FZR1: variants seen among roughly 807,000 people sequenced by gnomAD.
FZR1 encodes fizzy and cell division cycle 20 related 1, also known as fizzy-related protein homolog.
In FZR1, 11 loss-of-function variants were observed where a neutral mutation model predicts 63.6. The ratio of observed to expected loss-of-function variants is 0.17; its 90% confidence interval spans 0.11 to 0.29. FZR1 has a LOEUF of 0.29. Among genes scored for constraint, FZR1 ranks in the 10% least tolerant of loss-of-function variants. FZR1 has a pLI of 1.00. For missense variants in FZR1, 440 were observed against 687.5 expected (o/e 0.64, Z 4.03); for synonymous variants, 328 against 297.9 (o/e 1.10, Z -1.04).
At position 3,531,915 on chromosome 19, in the gene FZR1, G is replaced by T; in HGVS notation, c.828G>T (p.Ala276=). Residue 276 remains alanine, a synonymous_variant, in exon 10 of 14, where the codon GCG becomes GCT. Coordinates refer to ENST00000441788, the MANE Select transcript of FZR1 (RefSeq NM_016263.4). Reference sequence around the variant, plus strand: ...CCGCTTCCACCTGGCCTCCAGGGGCGCTGGCCTGGAATGCTGAGCAGCTGT... The same window carrying T: ...CCGCTTCCACCTGGCCTCCAGGGGCTCTGGCCTGGAATGCTGAGCAGCTGT... ...MLEGHTARVG[A]LAWNAEQLSS... is the part of the protein sequence containing the mutation. 6.3e-7 allele frequency: 1 copy of T among 1,594,166 alleles called. No individual in the cohort carries two copies. Among genetic ancestry groups the T allele is most frequent in the Non-Finnish European group, 8.5e-7 (1 of 1,173,146 alleles).
chr19:3,519,956 C>T (rs994711366), intron 1 of FZR1, among the ~76,000 whole-genome samples: 2 of 151,940 alleles, frequency 1.3e-5, no homozygotes, highest in Admixed American at 6.5e-5. Context: ...CCGGGGGGCC[C>T]CACACCCACA....
chr19:3,511,959 CT>C (rs1217776506), intron 1 of FZR1, among the ~76,000 whole-genome samples: 2 of 152,192 alleles, frequency 1.3e-5, no homozygotes, highest in African/African-American at 4.8e-5. Flanking sequence ...GGTCTCTCCG[CT>C]AGGCCCCGGC....
chr19:3,513,975 G>A (rs565293390), intron 1 of FZR1, among the ~76,000 whole-genome samples: 1 of 152,322 alleles, frequency 6.6e-6, no homozygotes, highest in East Asian at 1.9e-4. Context: ...TATGAAAACA[G>A]TGGGGACCAG....
intron 2 of FZR1, among the ~76,000 whole-genome samples, chr19:3,524,944 C>A (rs891346624): frequency 7.9e-5 from 12 of 152,162 alleles, no homozygotes; most frequent in African/African-American, 2.4e-4. Flanking sequence ...GAGTCCCATT[C>A]CCAGGTTGCG....
chr19:3,522,702 GCAGAAAGCCC>G (rs1275435585), intron 1 of FZR1, among the ~76,000 whole-genome samples: 2 of 152,172 alleles, frequency 1.3e-5, no homozygotes, highest in African/African-American at 4.8e-5. Context: ...GGCCTCCAGG[GCAGAAAGCCC>G]CTTTCCCGGG....
At position 3,529,689 on chromosome 19, in the gene FZR1, T is replaced by TGGTTGAGC. The variant is rs1568237946; in HGVS notation, c.655-1101_655-1100insTTGAGCGG. Among the ~76,000 whole-genome samples, 7 of 71,398 alleles carry TGGTTGAGC rather than the reference T, an allele frequency of 9.8e-5. 1 individual carries two copies. The highest frequency in any genetic ancestry group is 4.3e-4 in the African/African-American group (7 of 16,322). The allele number at this position is 71,398 out of a possible 152,430, so 46.8% of individuals were successfully genotyped here. ...GAGTGGATGAGAGTGGTTGAGGGAG[T>TGGTTGAGC]GGATGGTTGAGCGGATGGGAGAGCG... On this transcript the variant is annotated intron_variant, in intron 7 of 13. Coordinates refer to ENST00000441788, the MANE Select transcript of FZR1 (RefSeq NM_016263.4).
At position 3,514,142 on chromosome 19, in the gene FZR1, C is replaced by T. The variant is rs987396516; in HGVS notation, c.-35+7668C>T. On this transcript the variant is annotated intron_variant, in intron 1 of 13. Coordinates refer to ENST00000441788, the MANE Select transcript of FZR1 (RefSeq NM_016263.4). This position sits in a 1 kb window ranked among gnomAD's most constrained non-coding sequence, Gnocchi z 4.2. ...GCCCTGTCTACACGGCAGACAGCCC[C>T]TCACGCTTTGCGTCCCCACTCAGGG... is the stretch of plus-strand genomic sequence containing the variant. Among the ~76,000 whole-genome samples the T allele has an allele frequency of 3.9e-5, 6 of 152,286 alleles. No individual in the cohort carries two copies. In the East Asian group the frequency reaches 5.8e-4, roughly 15 times the overall value.
chr19:3,534,275 T>G (rs2122031506), intron 12 of FZR1, 146 bp from the exon 13 acceptor site: 4 of 498,000 alleles, frequency 8.0e-6, no homozygotes, highest in Admixed American at 3.8e-5. Flanking sequence ...CTGCTTGTGG[T>G]GGCCCCAGCC....
At chr19:3,508,040 TG>T (rs1472973483) in intron 1 of FZR1, among the ~76,000 whole-genome samples, 2 of 146,950 alleles carry the variant, frequency 1.4e-5, no homozygotes, top group Non-Finnish European at 3.0e-5. Context: ...CCCGCCAGTT[TG>T]CCCCTGTGAC....
rs549919830 is a variant in FZR1 at position 3,532,103 on chromosome 19, C to T, written c.1008+8C>T. Reference sequence around the variant, plus strand: ...GGGGGCAACGACAACAAGGTACCCCCGCCCAGAGCCTGGGCTTCCCCTTCA... The same window carrying T: ...GGGGGCAACGACAACAAGGTACCCCTGCCCAGAGCCTGGGCTTCCCCTTCA... On this transcript the variant is annotated splice_region_variant and intron_variant, in intron 10 of 13. Coordinates refer to ENST00000441788, the MANE Select transcript of FZR1 (RefSeq NM_016263.4). 6 of 1,494,602 alleles carry T rather than the reference C, an allele frequency of 4.0e-6. No homozygotes were observed. Among genetic ancestry groups the T allele is most frequent in the Admixed American group, 2.1e-5 (1 of 46,772 alleles). 92.6% of individuals were successfully genotyped at this position (1,494,602 alleles called of 1,614,324 possible).
chr19:3,534,933 C>A lies in FZR1; in HGVS notation c.*97C>A. On this transcript the variant is annotated 3_prime_UTR_variant, in exon 14 of 14. Transcript: ENST00000441788. ...CTCTGCCTTCCCAGCGCTTGTCCCCCGAGGAAGGCGGCTGGGCGGGCGGGG... is the reference window on the plus strand; with the variant it reads ...CTCTGCCTTCCCAGCGCTTGTCCCCAGAGGAAGGCGGCTGGGCGGGCGGGG... The A allele has an allele frequency of 3.0e-6, 3 of 1,014,120 alleles. No homozygotes were observed. The highest frequency in any genetic ancestry group is 1.6e-5 in the African/African-American group (1 of 63,936). The allele number at this position is 1,014,120 out of a possible 1,614,324, so 62.8% of individuals were successfully genotyped here.
intron 1 of FZR1, among the ~76,000 whole-genome samples, chr19:3,511,932 G>T (rs2083027209): frequency 6.6e-6 from 1 of 152,190 alleles, no homozygotes; most frequent in African/African-American, 2.4e-5. Context: ...TCCCTGCAGA[G>T]ATCTCTGTGC....
intron 1 of FZR1, among the ~76,000 whole-genome samples, chr19:3,509,382 CCA>C (rs2083008541): frequency 6.6e-6 from 1 of 152,240 alleles, no homozygotes; most frequent in Non-Finnish European, 1.5e-5. Context: ...GTGAACACCC[CCA>C]CTCTCTCTTG....
intron 7 of FZR1, among the ~76,000 whole-genome samples, chr19:3,528,531 C>G (rs1344646108): frequency 1.3e-5 from 2 of 148,888 alleles, no homozygotes; most frequent in African/African-American, 5.0e-5. Context: ...GTGTGTGTGT[C>G]TCCCCTGTAT....
At chr19:3,531,543 A>G (rs2083247281) in intron 8 of FZR1, among the ~76,000 whole-genome samples, 171 bp from the exon 9 acceptor site, 1 of 152,212 alleles carries the variant, frequency 6.6e-6, no homozygotes, top group African/African-American at 2.4e-5. Flanking sequence ...CCACCCCAGC[A>G]TGCACTGAGG....
Position 3,514,047 on chromosome 19 carries a change from G to T in FZR1, c.-35+7573G>T, listed in dbSNP as rs114106794. Among the ~76,000 whole-genome samples the T allele has an allele frequency of 1.3e-5, 2 of 152,324 alleles. No individual in the cohort carries two copies. Among genetic ancestry groups the T allele is most frequent in the African/African-American group, 4.8e-5 (2 of 41,576 alleles). On this transcript the variant is annotated intron_variant, in intron 1 of 13. Transcript: ENST00000441788. This position sits in a 1 kb window ranked among gnomAD's most constrained non-coding sequence, Gnocchi z 4.2. Reference sequence around the variant, plus strand: ...CTTGGCTGAGCCTCCAGGAACCAGAGTGCTGTGTTCCTGAGGAAGATCCCG... The same window carrying T: ...CTTGGCTGAGCCTCCAGGAACCAGATTGCTGTGTTCCTGAGGAAGATCCCG...
intron 7 of FZR1, among the ~76,000 whole-genome samples, chr19:3,530,435 G>C (rs34574464): frequency 0.065 from 4,774 of 73,932 alleles, 750 homozygotes; most frequent in African/African-American, 0.16. Flanking sequence ...TGGGAGAGCG[G>C]ATGGGAGAGC....
chr19:3,526,487 C>A lies in FZR1; in HGVS notation c.387+101C>A. On this transcript the variant is annotated intron_variant, in intron 5 of 13. Coordinates refer to ENST00000441788, the MANE Select transcript of FZR1 (RefSeq NM_016263.4). This position sits in a 1 kb window ranked among gnomAD's most constrained non-coding sequence, Gnocchi z 5.4. ...GCTCTGCCTCCCCGAGCCCGGTTCT[C>A]GGGCCCAGCCACGGCTCAGCACCCC... The A allele has an allele frequency of 1.0e-6, 1 of 970,310 alleles. No individual in the cohort carries two copies. Among genetic ancestry groups the A allele is most frequent in the Non-Finnish European group, 1.5e-6 (1 of 651,042 alleles). 60.1% of individuals were successfully genotyped at this position (970,310 alleles called of 1,614,324 possible).
At position 3,533,675 on chromosome 19, in the gene FZR1, A is replaced by T; in HGVS notation, c.1347+277A>T. The T allele has an allele frequency of 2.4e-6, 1 of 422,442 alleles. No individual in the cohort carries two copies. The highest frequency in any genetic ancestry group is 2.9e-5 in the South Asian group (1 of 34,340). 26.2% of individuals were successfully genotyped at this position (422,442 alleles called of 1,614,324 possible). A position where few individuals can be genotyped will look rare whatever the true frequency, so the allele number is the denominator to read the frequency against. ...TTTATTTTCCCCATAAAGAGGGGTG[A>T]AGAGGAAAGCCAAAACCAACTCACA... On this transcript the variant is annotated intron_variant, in intron 12 of 13. Transcript: ENST00000441788. The surrounding 1 kb of genome is among the most constrained non-coding windows in gnomAD (Gnocchi z 4.9).
Sources: gnomAD v4.1 joint callset for allele counts (sites outside exome capture counted in the v4.1 genomes callset) on GRCh38, gnomAD v4.1.1 for gene constraint, Gnocchi (gnomAD v3.1) non-coding constraint, MANE v1.5 for transcripts, NCBI Gene and HGNC (gene_info 2026-07-23, HGNC 2026-07-21) for gene names.